CUL1: variants seen among roughly 807,000 people sequenced by gnomAD.
The protein encoded by CUL1 is cullin-1.
A neutral mutation model predicts 118.0 loss-of-function variants in CUL1; 24 were observed. The observed-to-expected ratio is 0.20, with a 90% confidence interval of 0.15 to 0.29. The LOEUF (loss-of-function observed/expected upper bound fraction) is 0.29, where lower values mean the gene tolerates loss of function less well. Among genes scored for constraint, CUL1 ranks in the 10% least tolerant of loss-of-function variants. CUL1 has a pLI of 1.00. For synonymous variants in CUL1, 332 were observed against 340.4 expected (o/e 0.98, Z 0.27); for missense variants, 361 against 933.8 (o/e 0.39, Z 7.99).
intron 4 of CUL1, among the ~76,000 whole-genome samples, chr7:148,757,980 C>G (rs570724597): frequency 6.6e-6 from 1 of 152,180 alleles, no homozygotes; most frequent in Non-Finnish European, 1.5e-5. Context: ...AGCTATAGTT[C>G]AAGATGAGAT....
At chr7:148,704,802 T>C (rs1797832357) in intron 1 of CUL1, among the ~76,000 whole-genome samples, 1 of 149,956 alleles carries the variant, frequency 6.7e-6, no homozygotes, top group African/African-American at 2.6e-5. Flanking sequence ...TAGTTTCTCT[T>C]AGCAGTAGGT....
At chr7:148,714,874 T>C (rs1798164565) in intron 1 of CUL1, among the ~76,000 whole-genome samples, 1 of 152,114 alleles carries the variant, frequency 6.6e-6, no homozygotes. Context: ...TGGTTGTACT[T>C]TGTTTTTTGT....
At chr7:148,795,276 C>T (rs111683232) in intron 17 of CUL1, among the ~76,000 whole-genome samples, 12,753 of 152,134 alleles carry the variant, frequency 0.084, 672 homozygotes, top group African/African-American at 0.14. Context: ...GCACTACAGG[C>T]GCTTGCCACC....
chr7:148,703,826 C>A (rs991452639), intron 1 of CUL1, among the ~76,000 whole-genome samples: 5 of 152,000 alleles, frequency 3.3e-5, no homozygotes, highest in Non-Finnish European at 5.9e-5. Context: ...CCACTGCGCC[C>A]GGCCGTGAGG....
intron 2 of CUL1, among the ~76,000 whole-genome samples, chr7:148,748,629 A>G (rs1239025881): frequency 2.6e-5 from 4 of 152,166 alleles, no homozygotes; most frequent in African/African-American, 4.8e-5. Context: ...AATATAGAAG[A>G]TCTGAAAAAT....
intron 8 of CUL1, 31 bp from the exon 9 acceptor site, chr7:148,767,588 A>G (rs769137782): frequency 1.2e-6 from 2 of 1,606,532 alleles, no homozygotes; most frequent in Non-Finnish European, 1.7e-6. Flanking sequence ...AATTTTTTTC[A>G]GTGCATAAAA....
At position 148,737,476 on chromosome 7, in the gene CUL1, A is replaced by G. The variant is rs900107574; in HGVS notation, c.140+7214A>G. On this transcript the variant is annotated intron_variant, in intron 2 of 21. Transcript: ENST00000325222. ...CTACAGACGGATTATACAGGATAGTATGTGAGCCTGCTGTTCTGCCATTTG... is the reference window on the plus strand; with the variant it reads ...CTACAGACGGATTATACAGGATAGTGTGTGAGCCTGCTGTTCTGCCATTTG... 7.2e-5 allele frequency among the ~76,000 whole-genome samples: 11 copies of G among 151,796 alleles called. 1 individual carries two copies. The South Asian group carries it at 8.3e-4, about 11-fold the overall frequency.
At chr7:148,772,104 G>T (rs1428383672) in intron 9 of CUL1, among the ~76,000 whole-genome samples, 1 of 152,028 alleles carries the variant, frequency 6.6e-6, no homozygotes, top group African/African-American at 2.4e-5. Context: ...TAAACTCATC[G>T]TACATTGAAA....
intron 1 of CUL1, among the ~76,000 whole-genome samples, chr7:148,702,686 A>G (rs762449262): frequency 2.0e-5 from 3 of 152,162 alleles, no homozygotes; most frequent in Non-Finnish European, 4.4e-5. Flanking sequence ...TGCCTTTTCT[A>G]TCACCTGACG....
At chr7:148,736,917 G>T (rs951278678) in intron 2 of CUL1, among the ~76,000 whole-genome samples, 1 of 152,196 alleles carries the variant, frequency 6.6e-6, no homozygotes, top group Admixed American at 6.5e-5. Flanking sequence ...ACACCATATG[G>T]AAAGGAACTG....
chr7:148,744,253 A>C (rs1799235545), intron 2 of CUL1, among the ~76,000 whole-genome samples: 1 of 152,122 alleles, frequency 6.6e-6, no homozygotes, highest in African/African-American at 2.4e-5. Flanking sequence ...ATTTGTTATA[A>C]TTATTAATAG....
At chr7:148,725,202 C>CACACACGCGCGCGCGCGCGT (rs1554463762) in intron 1 of CUL1, among the ~76,000 whole-genome samples, 1 of 133,936 alleles carries the variant, frequency 7.5e-6, no homozygotes, top group Non-Finnish European at 1.6e-5. Flanking sequence ...CGCGTGTACA[C>CACACACGCGCGCGCGCGCGT]ACACACACAC....
At chr7:148,755,518 AT>A (rs2129460395) in intron 3 of CUL1, among the ~76,000 whole-genome samples, 1 of 152,336 alleles carries the variant, frequency 6.6e-6, no homozygotes, top group African/African-American at 2.4e-5. Flanking sequence ...TGACTAGTGT[AT>A]TATTTTCATC....
chr7:148,711,715 A>G (rs1422746944), intron 1 of CUL1, among the ~76,000 whole-genome samples: 2 of 152,224 alleles, frequency 1.3e-5, no homozygotes. Context: ...TGATGAATAG[A>G]TTCATGTTCA....
intron 8 of CUL1, 34 bp downstream of exon 8, chr7:148,766,757 A>G (rs758655490): frequency 1.9e-6 from 3 of 1,572,554 alleles, no homozygotes; most frequent in South Asian, 1.2e-5. Flanking sequence ...GTAGGTATTT[A>G]TAATTATCTG....
At chr7:148,760,629 G>A in intron 7 of CUL1, 133 bp downstream of exon 7, 1 of 612,844 alleles carries the variant, frequency 1.6e-6, no homozygotes, top group Non-Finnish European at 2.8e-6. Flanking sequence ...TTTTTATCAG[G>A]TGCAAGTGCT....
At chr7:148,786,955 C>G (rs370105325) in intron 12 of CUL1, 34 bp from the exon 13 acceptor site, 15 of 1,594,824 alleles carry the variant, frequency 9.4e-6, no homozygotes, top group Middle Eastern at 1.8e-4. Context: ...TGTGTGTGTG[C>G]TGGTTAAGTG....
intron 2 of CUL1, among the ~76,000 whole-genome samples, chr7:148,751,923 T>G (rs1284400495): frequency 6.6e-6 from 1 of 152,218 alleles, no homozygotes; most frequent in Non-Finnish European, 1.5e-5. Flanking sequence ...GAGACCAGCC[T>G]GACCTACATG....
At chr7:148,766,989 C>T (rs1260609124) in intron 8 of CUL1, among the ~76,000 whole-genome samples, 3 of 152,140 alleles carry the variant, frequency 2.0e-5, no homozygotes, top group Non-Finnish European at 4.4e-5. Context: ...CTTGACTGTT[C>T]TTCCTTTGAA....
Sources: allele counts gnomAD v4.1 joint callset (sites outside exome capture counted in the v4.1 genomes callset), GRCh38; gene constraint gnomAD v4.1.1; transcripts MANE v1.5; gene names NCBI Gene and HGNC (gene_info 2026-07-23, HGNC 2026-07-21).